The following ULK4 variants were observed in gnomAD, a reference collection of about 807,000 sequenced individuals.
ULK4 encodes unc-51 like kinase 4.
Under a neutral mutation model 160.6 loss-of-function variants are expected in ULK4, and 133 were observed. The observed-to-expected ratio is 0.83, with a 90% CI of 0.72 to 0.96. The LOEUF (loss-of-function observed/expected upper bound fraction) is 0.96, where lower values mean the gene tolerates loss of function less well. Ranked by LOEUF, ULK4 falls within the 40% of genes least tolerant of loss-of-function variation. The probability of loss-of-function intolerance (pLI) is 0.00; values close to 1 mark genes in which losing one functional copy is unlikely to be tolerated. For missense variants in ULK4, 1,580 were observed against 1,499.5 expected, an observed-to-expected ratio of 1.05 and a Z score of -0.89; for synonymous variants, 534 against 539.8, an observed-to-expected ratio of 0.99 and a Z score of 0.15.
rs2033268873 is a variant in ULK4 at position 41,622,074 on chromosome 3, C to A, written c.3072-6357G>T. Among the ~76,000 whole-genome samples the A allele has an allele frequency of 2.0e-5, 3 of 152,102 alleles. No individual in the cohort carries two copies. In the South Asian group the frequency reaches 6.2e-4, roughly 32 times the overall value. On this transcript the variant is annotated intron_variant, in intron 30 of 36. Transcript: ENST00000301831. ...AATCACAATGAGATACCATCTCAAG[C>A]CAGTTGGAATGGCAATTATTAAAAA...
intron 27 of ULK4, among the ~76,000 whole-genome samples, chr3:41,684,190 G>C (rs192603064): frequency 6.6e-6 from 1 of 152,150 alleles, no homozygotes; most frequent in African/African-American, 2.4e-5. Context: ...TTGCTCTTAC[G>C]GAAGCTACAC....
At chr3:41,479,603 T>C (rs1031404667) in intron 32 of ULK4, among the ~76,000 whole-genome samples, 8 of 152,098 alleles carry the variant, frequency 5.3e-5, no homozygotes, top group African/African-American at 1.9e-4. Context: ...TGAGAAAGAC[T>C]TGCAGGTGGG....
intron 35 of ULK4, among the ~76,000 whole-genome samples, chr3:41,385,792 T>C (rs1300839105): frequency 6.6e-6 from 1 of 152,178 alleles, no homozygotes; most frequent in Non-Finnish European, 1.5e-5. Context: ...CAGTGAAACT[T>C]AGAGAGGTTG....
chr3:41,494,936 C>T (rs2084930637), intron 32 of ULK4, among the ~76,000 whole-genome samples: 1 of 152,048 alleles, frequency 6.6e-6, no homozygotes, highest in Non-Finnish European at 1.5e-5. Context: ...AAAGAGGATA[C>T]AAACAAATGG....
At chr3:41,539,149 T>A (rs1405026147) in intron 32 of ULK4, among the ~76,000 whole-genome samples, 1 of 150,586 alleles carries the variant, frequency 6.6e-6, no homozygotes, top group Non-Finnish European at 1.5e-5. Context: ...AATCCACATA[T>A]AAGTGGAATC....
chr3:41,888,212 G>C lies in ULK4; in HGVS notation c.1578-4260C>G, dbSNP rs559093808. On this transcript the variant is annotated intron_variant, in intron 16 of 36. Transcript: ENST00000301831. ...CCATAAATCATAATCATGTAACACA[G>C]ATCTAAACTTATGAGACATTCTCTG... 2.6e-5 allele frequency among the ~76,000 whole-genome samples: 4 copies of C among 152,216 alleles called. No individual in the cohort carries two copies. In the South Asian group the frequency reaches 8.3e-4, roughly 32 times the overall value.
chr3:41,682,300 C>A (rs150261077), intron 27 of ULK4, among the ~76,000 whole-genome samples: 1,990 of 152,270 alleles, frequency 0.013, 17 homozygotes, highest in Non-Finnish European at 0.019. Context: ...ATACAAACCA[C>A]CCCTGTGAGT....
At chr3:41,893,457 G>A (rs1717001) in intron 16 of ULK4, among the ~76,000 whole-genome samples, 104,656 of 151,998 alleles carry the variant, frequency 0.69, 39,418 homozygotes, top group East Asian at 0.84. Context: ...CACATTGACT[G>A]GGATTATATA....
chr3:41,433,235 A>G (rs1257448210), intron 34 of ULK4, among the ~76,000 whole-genome samples: 3 of 152,184 alleles, frequency 2.0e-5, no homozygotes, highest in Admixed American at 2.0e-4. Context: ...TAATTAACCT[A>G]CAAAAGATGC....
intron 12 of ULK4, among the ~76,000 whole-genome samples, chr3:41,901,503 T>G (rs1172733878): frequency 1.7e-5 from 2 of 118,724 alleles, no homozygotes; most frequent in Admixed American, 8.9e-5. Context: ...TTTTTTGAGA[T>G]AGAGTCTCAC....
chr3:41,706,338 T>G (rs1002599502), intron 25 of ULK4, among the ~76,000 whole-genome samples: 11 of 146,138 alleles, frequency 7.5e-5, no homozygotes, highest in Non-Finnish European at 1.5e-4. Context: ...TTGCCACTAA[T>G]AAACAAAATA....
intron 18 of ULK4, among the ~76,000 whole-genome samples, chr3:41,824,598 GGC>G (rs2041275895): frequency 6.6e-6 from 1 of 152,204 alleles, no homozygotes; most frequent in African/African-American, 2.4e-5. Flanking sequence ...CAAACTGCAA[GGC>G]AGCAGCGATG....
chr3:41,765,323 C>T (rs1369796586), intron 21 of ULK4, among the ~76,000 whole-genome samples: 2 of 152,140 alleles, frequency 1.3e-5, no homozygotes, highest in African/African-American at 2.4e-5. Context: ...AAACCAAACA[C>T]CGCATGCTCT....
intron 34 of ULK4, among the ~76,000 whole-genome samples, chr3:41,454,653 C>A (rs79413173): frequency 1.8e-4 from 27 of 151,702 alleles, no homozygotes; most frequent in Non-Finnish European, 3.7e-4. Context: ...AAGACTGGGA[C>A]GTTTTGTAGA....
intron 35 of ULK4, among the ~76,000 whole-genome samples, chr3:41,292,811 G>A (rs2079596908): frequency 6.6e-6 from 1 of 152,014 alleles, no homozygotes; most frequent in South Asian, 2.1e-4. Context: ...GGGTGTGGTG[G>A]TGCATGTCTG....
At chr3:41,820,808 T>G (rs897428312) in intron 18 of ULK4, among the ~76,000 whole-genome samples, 3 of 152,104 alleles carry the variant, frequency 2.0e-5, no homozygotes, top group African/African-American at 7.2e-5. Context: ...AAAGAATTAG[T>G]ACATTACTAA....
intron 18 of ULK4, among the ~76,000 whole-genome samples, chr3:41,827,999 A>G (rs1356135321): frequency 1.3e-5 from 2 of 152,030 alleles, no homozygotes; most frequent in Admixed American, 6.6e-5. Context: ...TTCAACATAC[A>G]CAACTCAATC....
chr3:41,365,548 A>T (rs1388131572), intron 35 of ULK4, among the ~76,000 whole-genome samples: 3 of 152,238 alleles, frequency 2.0e-5, no homozygotes, highest in Non-Finnish European at 2.9e-5. Flanking sequence ...GCACATGCTA[A>T]GCACTTTGCT....
intron 35 of ULK4, among the ~76,000 whole-genome samples, chr3:41,384,706 T>A (rs757039234): frequency 8.5e-5 from 13 of 152,082 alleles, no homozygotes; most frequent in Non-Finnish European, 1.8e-4. Context: ...TGCCTCGGCC[T>A]CCTGAGTAGC....
Sources: gnomAD v4.1 joint callset for allele counts (sites outside exome capture counted in the v4.1 genomes callset) on GRCh38, gnomAD v4.1.1 for gene constraint, MANE v1.5 for transcripts, NCBI Gene and HGNC (gene_info 2026-07-23, HGNC 2026-07-21) for gene names.